Variants in SLC39A11 observed in about 807,000 individuals in gnomAD.
SLC39A11 encodes solute carrier family 39 member 11.
A neutral mutation model predicts 36.1 loss-of-function variants in SLC39A11; 33 were observed. That is an observed-to-expected ratio of 0.91 (90% CI 0.69 to 1.22). The LOEUF (loss-of-function observed/expected upper bound fraction) is 1.22, where lower values mean the gene tolerates loss of function less well. Among genes scored for constraint, SLC39A11 ranks in the 50% most tolerant of loss-of-function variants. SLC39A11 has a pLI of 0.00. For synonymous variants in SLC39A11, 166 were observed against 170.3 expected (o/e 0.97, Z 0.20); for missense variants, 432 against 430.3 (o/e 1.00, Z -0.03).
At chr17:73,047,213 A>AACAC in intron 3 of SLC39A11, among the ~76,000 whole-genome samples, 1 of 151,694 alleles carries the variant, frequency 6.6e-6, no homozygotes, top group African/African-American at 2.4e-5. Flanking sequence ...TTTAGCACAG[A>AACAC]TGGGGTTGCA....
At position 72,828,726 on chromosome 17, in the gene SLC39A11, T is replaced by G. The variant is rs149542021; in HGVS notation, c.601+20908A>C. ...GACACGCTGCAAGGTGGAGGTTGTGTGCCACGTTTCCAGGACACCATATGG... is the reference window on the plus strand; with the variant it reads ...GACACGCTGCAAGGTGGAGGTTGTGGGCCACGTTTCCAGGACACCATATGG... On this transcript the variant is annotated intron_variant, in intron 6 of 9. Coordinates refer to ENST00000255559, the MANE Select transcript of SLC39A11 (RefSeq NM_139177.4). 6.2e-3 allele frequency among the ~76,000 whole-genome samples: 941 copies of G among 152,264 alleles called. 4 individuals carry two copies. Among genetic ancestry groups the G allele is most frequent in the Middle Eastern group, 0.027 (8 of 292 alleles).
intron 6 of SLC39A11, among the ~76,000 whole-genome samples, chr17:72,748,321 C>CAAAAAA (rs10657048): frequency 2.0e-5 from 3 of 147,494 alleles, no homozygotes; most frequent in African/African-American, 7.5e-5. Flanking sequence ...GACTCCATCT[C>CAAAAAA]AAAAAAAAAA....
chr17:72,839,922 T>G (rs2078730958), intron 6 of SLC39A11, among the ~76,000 whole-genome samples: 1 of 152,182 alleles, frequency 6.6e-6, no homozygotes, highest in Admixed American at 6.5e-5. Flanking sequence ...ACGTTTAATG[T>G]GGCAAGCTTA....
chr17:72,874,856 A>G (rs895516445), intron 5 of SLC39A11, among the ~76,000 whole-genome samples: 4 of 152,256 alleles, frequency 2.6e-5, no homozygotes, highest in Admixed American at 2.0e-4. Flanking sequence ...AAAGGAAATA[A>G]GACAAAGATT....
At chr17:72,883,095 C>A (rs542167313) in intron 5 of SLC39A11, among the ~76,000 whole-genome samples, 52 of 152,214 alleles carry the variant, frequency 3.4e-4, no homozygotes, top group Admixed American at 1.4e-3. Context: ...CGTGCCAGGC[C>A]GAGAAAATGC....
intron 4 of SLC39A11, among the ~76,000 whole-genome samples, chr17:73,009,578 G>A (rs1198512915): frequency 6.6e-6 from 1 of 152,068 alleles, no homozygotes; most frequent in African/African-American, 2.4e-5. Context: ...GATGGAGAGT[G>A]ATGGCTTAAT....
chr17:72,849,757 T>A lies in SLC39A11; in HGVS notation c.478A>T (p.Thr160Ser). 6.2e-7 allele frequency: 1 copy of A among 1,603,742 alleles called. No homozygotes were observed. The highest frequency in any genetic ancestry group is 1.1e-5 in the South Asian group (1 of 89,784). ...ACAGCAGGACCCTCTGGAAGGCCAG[T>A]GGCTGCCGCCTTCTTTCTCTGATAT... is the stretch of plus-strand genomic sequence containing the variant. ...EAYQRKKAAA[T>S]GLPEGPAVPV... Residue 160 changes from threonine (T) to serine (S), a missense_variant, in exon 6 of 10, where the codon ACT (threonine) becomes TCT (serine). Thr to Ser is a moderately conservative substitution (Grantham distance 58). Coordinates refer to ENST00000255559, the MANE Select transcript of SLC39A11 (RefSeq NM_139177.4).
intron 5 of SLC39A11, among the ~76,000 whole-genome samples, chr17:72,884,038 C>T (rs369247954): frequency 6.6e-6 from 1 of 152,072 alleles, no homozygotes; most frequent in African/African-American, 2.4e-5. Context: ...ACCTGTGGTC[C>T]CAGCTACTTG....
At chr17:72,900,177 G>GAA (rs71359747) in intron 5 of SLC39A11, among the ~76,000 whole-genome samples, 1 of 140,244 alleles carries the variant, frequency 7.1e-6, no homozygotes, top group African/African-American at 2.8e-5. Context: ...AAGAAAGAAA[G>GAA]AAAGAAAGAA....
chr17:72,720,886 C>A (rs912971556), intron 7 of SLC39A11, among the ~76,000 whole-genome samples: 1 of 152,066 alleles, frequency 6.6e-6, no homozygotes, highest in Non-Finnish European at 1.5e-5. Flanking sequence ...TATTCATCCC[C>A]CGAACACATA....
At chr17:73,070,550 C>T (rs1413975017) in intron 3 of SLC39A11, among the ~76,000 whole-genome samples, 2 of 152,180 alleles carry the variant, frequency 1.3e-5, no homozygotes, top group Non-Finnish European at 2.9e-5. Context: ...CTTCATTAAA[C>T]CATGATCCCG....
chr17:72,800,179 C>T (rs1402757291), intron 6 of SLC39A11, among the ~76,000 whole-genome samples: 3 of 152,108 alleles, frequency 2.0e-5, no homozygotes, highest in Non-Finnish European at 4.4e-5. Context: ...GGACCTCCAT[C>T]CCTGAGGCAG....
intron 4 of SLC39A11, among the ~76,000 whole-genome samples, chr17:72,962,843 T>C (rs1430893142): frequency 2.0e-5 from 3 of 152,112 alleles, no homozygotes; most frequent in East Asian, 3.9e-4. Flanking sequence ...GGCCAGCCCT[T>C]AGGTTCCTGA....
intron 6 of SLC39A11, 118 bp from the exon 7 acceptor site, chr17:72,736,837 C>T (rs1312743547): frequency 1.6e-5 from 14 of 863,320 alleles, no homozygotes; most frequent in East Asian, 7.3e-5. Flanking sequence ...AGAAAATCAT[C>T]GTAACAGCAG....
At chr17:72,856,526 G>A (rs2079649639) in intron 5 of SLC39A11, among the ~76,000 whole-genome samples, 1 of 152,084 alleles carries the variant, frequency 6.6e-6, no homozygotes, top group Admixed American at 6.5e-5. Context: ...TGGCCAAGTT[G>A]GAGTTTTAGC....
At chr17:72,737,708 C>T (rs1167353355) in intron 6 of SLC39A11, among the ~76,000 whole-genome samples, 19 of 152,130 alleles carry the variant, frequency 1.2e-4, no homozygotes, top group Admixed American at 1.2e-3. Flanking sequence ...CTTTCTTTAA[C>T]AAGTCTTTGT....
chr17:72,719,729 T>C (rs2073573903), intron 7 of SLC39A11, among the ~76,000 whole-genome samples: 1 of 152,166 alleles, frequency 6.6e-6, no homozygotes, highest in Non-Finnish European at 1.5e-5. Flanking sequence ...CAAGGTCTGC[T>C]CCAGGCTAAC....
In SLC39A11 at chr17:73,088,795, G is replaced by A. The variant is rs138000160; in HGVS notation, c.-11-20C>T. On this transcript the variant is annotated intron_variant, in intron 1 of 9. Transcript: ENST00000255559. ...ATACAGCTGTGCAAGAGGAGCGAGA[G>A]GGTCAGCCACCGGTGGTCCGTTTCA... 4,600 of 1,551,832 alleles carry A rather than the reference G, an allele frequency of 3.0e-3. 10 individuals carry two copies. Among genetic ancestry groups the A allele is most frequent in the Non-Finnish European group, 3.6e-3 (4,108 of 1,140,502 alleles).
chr17:72,943,987 C>G (rs2085272909), intron 5 of SLC39A11, among the ~76,000 whole-genome samples: 1 of 152,182 alleles, frequency 6.6e-6, no homozygotes, highest in African/African-American at 2.4e-5. Context: ...CACCACATGG[C>G]AGGATCCAGG....
Sources: allele counts gnomAD v4.1 joint callset (sites outside exome capture counted in the v4.1 genomes callset), GRCh38; gene constraint gnomAD v4.1.1; transcripts MANE v1.5; gene names NCBI Gene and HGNC (gene_info 2026-07-23, HGNC 2026-07-21).